The following TGM4 variants were observed in gnomAD, a reference collection of about 807,000 sequenced individuals.
The protein encoded by TGM4 is transglutaminase 4, also known as protein-glutamine gamma-glutamyltransferase 4.
TGM4 carries 61 observed loss-of-function variants against 76.3 expected under a neutral mutation model. The observed-to-expected ratio is 0.80, with a 90% CI of 0.65 to 0.99. TGM4 has a LOEUF of 0.99. TGM4 is among the 50% of genes least tolerant of loss of function. The pLI, the probability that TGM4 is intolerant of heterozygous loss-of-function variation, is 0.00. For missense variants in TGM4, 794 were observed against 843.2 expected (o/e 0.94, Z 0.72); for synonymous variants, 337 against 329.8 (o/e 1.02, Z -0.24).
At chr3:44,898,750 T>TG (rs750741665) in intron 6 of TGM4, among the ~76,000 whole-genome samples, 32 of 152,174 alleles carry the variant, frequency 2.1e-4, no homozygotes, top group Admixed American at 6.5e-5. Flanking sequence ...TCATAAATGC[T>TG]GGGGCTCCTG....
chr3:44,890,216 T>A (rs1306280354), intron 3 of TGM4: 1 of 171,030 alleles, frequency 5.8e-6, no homozygotes, highest in Admixed American at 5.8e-5. Context: ...GAGATTCGAG[T>A]GGGGACACAG....
chr3:44,906,851 C>T, intron 9 of TGM4, 98 bp from the exon 10 acceptor site: 1 of 1,544,472 alleles, frequency 6.5e-7, no homozygotes, highest in Non-Finnish European at 8.8e-7. Context: ...ATTTGCTTGC[C>T]AGTCCTGTTT....
intron 3 of TGM4, chr3:44,888,522 C>T (rs12632251): frequency 0.3 from 45,552 of 152,084 alleles, 8,120 homozygotes; most frequent in East Asian, 0.82. Context: ...TCCTTCCTCT[C>T]CCTCCCATCC....
At chr3:44,907,296 A>G in intron 10 of TGM4, 96 bp downstream of exon 10, 1 of 1,256,126 alleles carries the variant, frequency 8.0e-7, no homozygotes, top group East Asian at 2.5e-5. Context: ...AACATGGTGA[A>G]ACCCCATCCC....
rs866753321 is a variant in TGM4, at chr3:44,911,011, A to G, written c.1660A>G (p.Ile554Val). ...CAAGACCTACATCAACAGCCTGGCT[A>G]TATTAGATGATGAGCCAGTTATCAG... ...DSKTYINSLAILDDEPVIRGF... is the reference protein window; with the variant it reads ...DSKTYINSLAVLDDEPVIRGF... Residue 554 changes from isoleucine (I) to valine (V), a missense_variant, in exon 12 of 14, where the codon ATA becomes GTA. Coordinates refer to ENST00000296125, the MANE Select transcript of TGM4 (RefSeq NM_003241.4). 5 of 1,614,190 alleles carry G rather than the reference A, an allele frequency of 3.1e-6. No homozygotes were observed. Among genetic ancestry groups the G allele is most frequent in the African/African-American group, 2.7e-5 (2 of 75,054 alleles).
Position 44,901,792 on chromosome 3 carries a change from G to C in TGM4, c.833-1G>C. ...AACCACCCCACCCTGGATCATTTCA[G>C]TGCTGAGAGCGTTGGGCATCCCAGC... is the stretch of plus-strand genomic sequence containing the variant. On this transcript the variant is annotated splice_acceptor_variant, in intron 7 of 13. Coordinates refer to ENST00000296125, the MANE Select transcript of TGM4 (RefSeq NM_003241.4). LOFTEE classifies it high-confidence loss of function. 1 of 1,614,110 alleles carries C rather than the reference G, an allele frequency of 6.2e-7. No homozygotes were observed. The highest frequency in any genetic ancestry group is 8.5e-7 in the Non-Finnish European group (1 of 1,180,000).
chr3:44,879,237 G>GTCTCTC (rs377695202), intron 1 of TGM4, among the ~76,000 whole-genome samples: 17 of 118,078 alleles, frequency 1.4e-4, no homozygotes, highest in African/African-American at 4.9e-4. Flanking sequence ...CTATTTTATG[G>GTCTCTC]TCTCTCTCTC....
intron 4 of TGM4, among the ~76,000 whole-genome samples, chr3:44,891,534 C>T (rs1282180279): frequency 6.6e-6 from 1 of 152,046 alleles, no homozygotes; most frequent in Non-Finnish European, 1.5e-5. Flanking sequence ...CACACACACA[C>T]ACACACAAGC....
intron 6 of TGM4, chr3:44,899,549 A>G (rs572406999): frequency 6.6e-6 from 1 of 152,288 alleles, no homozygotes; most frequent in South Asian, 2.1e-4. Context: ...GTGGCTATCC[A>G]TGGGCCTCCT....
chr3:44,876,407 T>C (rs1397965304), intron 1 of TGM4: 3 of 152,210 alleles, frequency 2.0e-5, no homozygotes, highest in Non-Finnish European at 4.4e-5. Context: ...TATGATTTCA[T>C]TTGTTCTTCC....
At chr3:44,896,961 G>T in intron 6 of TGM4, 145 bp downstream of exon 6, 3 of 531,144 alleles carry the variant, frequency 5.6e-6, no homozygotes, top group Non-Finnish European at 1.0e-5. Flanking sequence ...TTAAGAAATA[G>T]ACATTGCTGA....
At position 44,907,046 on chromosome 3, in the gene TGM4, T is replaced by C. The variant is rs1427203296; in HGVS notation, c.1173T>C (p.Gly391=). ...DTRFVFSEVN[G]DRLIWLVKMV... Reference sequence around the variant, plus strand: ...GATTCGTCTTCTCAGAAGTGAATGGTGACAGGCTCATCTGGTTGGTGAAGA... The same window carrying C: ...GATTCGTCTTCTCAGAAGTGAATGGCGACAGGCTCATCTGGTTGGTGAAGA... Residue 391 remains glycine (G), a synonymous_variant, in exon 10 of 14, where the codon GGT becomes GGC. Coordinates refer to ENST00000296125, the MANE Select transcript of TGM4 (RefSeq NM_003241.4). The C allele has an allele frequency of 1.2e-6, 2 of 1,614,126 alleles. No homozygotes were observed. The highest frequency in any genetic ancestry group is 1.6e-4 in the Middle Eastern group (1 of 6,062).
intron 10 of TGM4, among the ~76,000 whole-genome samples, chr3:44,909,107 G>T (rs1470330844): frequency 1.3e-5 from 2 of 152,170 alleles, no homozygotes; most frequent in Non-Finnish European, 2.9e-5. Context: ...TGATTAGATG[G>T]ATATTGCTTT....
At chr3:44,891,663 G>A (rs193259144) in intron 4 of TGM4, among the ~76,000 whole-genome samples, 16 of 152,282 alleles carry the variant, frequency 1.1e-4, no homozygotes, top group Non-Finnish European at 1.3e-4. Context: ...CCACAGTACA[G>A]TTATCAACTT....
chr3:44,907,744 T>G (rs927818167), intron 10 of TGM4, among the ~76,000 whole-genome samples: 8 of 152,228 alleles, frequency 5.3e-5, no homozygotes, highest in African/African-American at 1.9e-4. Flanking sequence ...CTAACTGAAC[T>G]GTCTCCTTTG....
rs533857829 is a variant in TGM4, at chr3:44,904,951, G to A, written c.1075+964G>A. On this transcript the variant is annotated intron_variant, in intron 9 of 13. Transcript: ENST00000296125. Reference sequence around the variant, plus strand: ...CCTCCCTTGGCCTCCCAAAGTGTTGGGATTACAGGCATGAGCCACTGTGCC... The same window carrying A: ...CCTCCCTTGGCCTCCCAAAGTGTTGAGATTACAGGCATGAGCCACTGTGCC... Among the ~76,000 whole-genome samples the A allele has an allele frequency of 2.0e-5, 3 of 151,430 alleles. No homozygotes were observed. The East Asian group carries it at 5.9e-4, about 30-fold the overall frequency.
chr3:44,910,830 A>C, intron 11 of TGM4, 128 bp from the exon 12 acceptor site: 1 of 1,032,564 alleles, frequency 9.7e-7, no homozygotes, highest in Non-Finnish European at 1.4e-6. Context: ...TAAAGAGAGT[A>C]TGGGACATGT....
Position 44,911,300 on chromosome 3 carries a change from C to A in TGM4, c.1807C>A (p.Leu603Ile). The A allele has an allele frequency of 6.2e-7, 1 of 1,614,248 alleles. No individual in the cohort carries two copies. Among genetic ancestry groups the A allele is most frequent in the Non-Finnish European group, 8.5e-7 (1 of 1,180,038 alleles). Residue 603 changes from leucine (L) to isoleucine (I), a missense_variant, in exon 13 of 14, where the codon CTT becomes ATT. Physicochemically the swap from Leu to Ile is conservative, Grantham distance 5. Transcript: ENST00000296125. ...LPNTGRIGQL[L>I]VCNCIFKNTL... ...TAACACAGGCAGAATTGGCCAGCTA[C>A]TTGTCTGCAATTGTATCTTCAAGAA...
rs1324953879 is a variant in TGM4, at chr3:44,901,625, G to A, written c.759G>A (p.Leu253=). ...AGTGGACAGGCAGTGCCCCGATCCT[G>A]CAGCAGTACTACAACACGAAGCAGG... ...PYKWTGSAPI[L]QQYYNTKQAV... The change falls in exon 7 of 14, where the codon CTG becomes CTA. Residue 253 remains leucine (L), a synonymous_variant. Transcript: ENST00000296125. The A allele has an allele frequency of 6.2e-7, 1 of 1,614,218 alleles. No individual in the cohort carries two copies. Among genetic ancestry groups the A allele is most frequent in the Non-Finnish European group, 8.5e-7 (1 of 1,180,040 alleles).
Sources: allele counts gnomAD v4.1 joint callset (sites outside exome capture counted in the v4.1 genomes callset), GRCh38; gene constraint gnomAD v4.1.1; transcripts MANE v1.5; gene names NCBI Gene and HGNC (gene_info 2026-07-23, HGNC 2026-07-21).